KCNJ15: variants seen among roughly 807,000 people sequenced by gnomAD.
KCNJ15 encodes potassium inwardly rectifying channel subfamily J member 15, also known as ATP-sensitive inward rectifier potassium channel 15.
Under a neutral mutation model 23.0 loss-of-function variants are expected in KCNJ15, and 14 were observed. That is an observed-to-expected ratio of 0.61 (90% CI 0.40 to 0.95). The LOEUF (loss-of-function observed/expected upper bound fraction) is 0.95. Among genes scored for constraint, KCNJ15 ranks in the 40% least tolerant of loss-of-function variants. KCNJ15 has a pLI of 0.00. For missense variants in KCNJ15, 388 were observed against 461.8 expected (o/e 0.84, Z 1.46); for synonymous variants, 185 against 183.2 (o/e 1.01, Z -0.08).
intron 1 of KCNJ15, among the ~76,000 whole-genome samples, chr21:38,236,480 C>T (rs549210228): frequency 1.1e-4 from 16 of 152,236 alleles, no homozygotes; most frequent in African/African-American, 3.6e-4. Flanking sequence ...ACTTGGTGCT[C>T]CATAAACATG....
intron 1 of KCNJ15, among the ~76,000 whole-genome samples, chr21:38,268,084 T>C (rs1383153239): frequency 1.3e-5 from 2 of 152,182 alleles, no homozygotes; most frequent in Non-Finnish European, 2.9e-5. Context: ...AACAAGTCTA[T>C]TCTTGAATAT....
At chr21:38,286,946 C>T (rs1269225580) in intron 1 of KCNJ15, among the ~76,000 whole-genome samples, 2 of 152,186 alleles carry the variant, frequency 1.3e-5, no homozygotes, top group African/African-American at 2.4e-5. Context: ...TTTCAGAGAC[C>T]TTGAAATAAC....
rs1312103518 is a variant in KCNJ15 at position 38,304,710 on chromosome 21, C to G, written c.*4321C>G. 2 of 104,568 alleles carry G rather than the reference C, an allele frequency of 1.9e-5. No homozygotes were observed. The highest frequency in any genetic ancestry group is 6.6e-5 in the African/African-American group (2 of 30,168). The allele number at this position is 104,568 out of a possible 1,614,324, so 6.5% of individuals were successfully genotyped here. A position where few individuals can be genotyped will look rare whatever the true frequency, so the allele number is the denominator to read the frequency against. ...TTTTTTTTTGATACTGGGTCTCGCT[C>G]TGTCGCCCAGGCTGCTAGAGTGCAG... On this transcript the variant is annotated 3_prime_UTR_variant, in exon 3 of 3. Coordinates refer to ENST00000398938, the MANE Select transcript of KCNJ15 (RefSeq NM_170736.3).
intron 1 of KCNJ15, among the ~76,000 whole-genome samples, chr21:38,247,468 G>A (rs770579376): frequency 1.3e-5 from 2 of 151,546 alleles, no homozygotes; most frequent in African/African-American, 2.4e-5. Flanking sequence ...ATGAATGGAT[G>A]TATGGATAAA....
Position 38,257,107 on chromosome 21 carries a change from A to AC in KCNJ15, c.-193dup, listed in dbSNP as rs1050374806. On this transcript the variant is annotated 5_prime_UTR_variant, in exon 1 of 3. Transcript: ENST00000398938. ...CTAAACACCTATCTTTCCCAAGGCA[A>AC]CCTGTCTGGACTGAGCATTTCTCTG... 1.3e-5 allele frequency: 2 copies of AC among 152,056 alleles called. No homozygotes were observed. The highest frequency in any genetic ancestry group is 4.8e-5 in the African/African-American group (2 of 41,382). The allele number at this position is 152,056 out of a possible 1,614,324, so 9.4% of individuals were successfully genotyped here.
At chr21:38,283,466 A>G (rs545702606) in intron 1 of KCNJ15, among the ~76,000 whole-genome samples, 30 of 152,350 alleles carry the variant, frequency 2.0e-4, no homozygotes, top group Middle Eastern at 3.4e-3. Flanking sequence ...TAAAAAACAT[A>G]TTTAGCATTT....
chr21:38,246,679 T>C (rs1014537203), intron 1 of KCNJ15, among the ~76,000 whole-genome samples: 1 of 152,188 alleles, frequency 6.6e-6, no homozygotes, highest in Non-Finnish European at 1.5e-5. Context: ...TTCAACATAA[T>C]CTTTAGATGG....
chr21:38,269,640 C>A (rs1427579540), intron 1 of KCNJ15, among the ~76,000 whole-genome samples: 2 of 152,142 alleles, frequency 1.3e-5, no homozygotes, highest in Non-Finnish European at 2.9e-5. Flanking sequence ...AAAGCACCGA[C>A]CTCAGTGGAA....
At chr21:38,256,817 A>C (rs1420660811), upstream of KCNJ15, 3 of 152,076 alleles carry the variant, frequency 2.0e-5, no homozygotes, top group Admixed American at 6.6e-5. Context: ...ACCTTAAGAC[A>C]TGCTGACATC....
intron 1 of KCNJ15, among the ~76,000 whole-genome samples, chr21:38,296,185 G>A (rs546153049): frequency 1.8e-3 from 270 of 152,082 alleles, no homozygotes; most frequent in South Asian, 3.1e-3. Context: ...TATTTAGACC[G>A]GTAATAAATA....
intron 1 of KCNJ15, among the ~76,000 whole-genome samples, chr21:38,270,697 A>G (rs1201213919): frequency 6.6e-6 from 1 of 152,164 alleles, no homozygotes; most frequent in African/African-American, 2.4e-5. Context: ...CATAATATCA[A>G]ATGAACTTGT....
At position 38,305,268 on chromosome 21, in the gene KCNJ15, T is replaced by C. The variant is rs1397687644; in HGVS notation, c.*4879T>C. The C allele has an allele frequency of 6.6e-6, 1 of 152,162 alleles. No homozygotes were observed. The highest frequency in any genetic ancestry group is 1.5e-5 in the Non-Finnish European group (1 of 68,024). The allele number at this position is 152,162 out of a possible 1,614,324, so 9.4% of individuals were successfully genotyped here. On this transcript the variant is annotated 3_prime_UTR_variant, in exon 3 of 3. Coordinates refer to ENST00000398938, the MANE Select transcript of KCNJ15 (RefSeq NM_170736.3). ...TTGCTGTTCATTCTATAAAGTCAAA[T>C]AGATTGGTGGGTTAAAAAATAATCA...
intron 1 of KCNJ15, among the ~76,000 whole-genome samples, chr21:38,247,809 G>T (rs1224407615): frequency 6.6e-6 from 1 of 152,128 alleles, no homozygotes; most frequent in South Asian, 2.1e-4. Context: ...ACATTCACAT[G>T]GTCCAGTGTG....
intron 1 of KCNJ15, among the ~76,000 whole-genome samples, chr21:38,261,851 T>G (rs1980933556): frequency 6.6e-6 from 1 of 152,348 alleles, no homozygotes; most frequent in South Asian, 2.1e-4. Flanking sequence ...CTGAGCAGAC[T>G]TGAGGGCTTG....
chr21:38,260,053 A>G (rs1980716847), intron 1 of KCNJ15, among the ~76,000 whole-genome samples: 1 of 152,234 alleles, frequency 6.6e-6, no homozygotes, highest in East Asian at 1.9e-4. Context: ...AGGTTTATAA[A>G]CATTTAGGAA....
At chr21:38,243,906 A>C (rs1441359696) in intron 1 of KCNJ15, among the ~76,000 whole-genome samples, 3 of 152,248 alleles carry the variant, frequency 2.0e-5, no homozygotes, top group Non-Finnish European at 4.4e-5. Flanking sequence ...ATTGTCATAA[A>C]ATAACCATTT....
intron 1 of KCNJ15, among the ~76,000 whole-genome samples, chr21:38,277,379 G>T (rs1299580130): frequency 1.3e-5 from 2 of 152,146 alleles, no homozygotes; most frequent in East Asian, 3.8e-4. Context: ...TAATTTCCAG[G>T]CTAATTTTGT....
At chr21:38,233,343 A>G (rs1450085326) in intron 1 of KCNJ15, among the ~76,000 whole-genome samples, 1 of 152,066 alleles carries the variant, frequency 6.6e-6, no homozygotes, top group African/African-American at 2.4e-5. Context: ...CTCTGTGGAC[A>G]ATATATAGCT....
rs140359008 is a variant in KCNJ15, at chr21:38,236,036, T to C, written c.-398-21010T>C. ...CAATTGTATTATTTCCTTTTGCCCA[T>C]AGACTTTTTATTCATGCATTTCTTC... On this transcript the variant is annotated intron_variant, in intron 1 of 4. Transcript: ENST00000547341. 2.4e-3 allele frequency among the ~76,000 whole-genome samples: 360 copies of C among 152,348 alleles called. 2 individuals carry two copies. Among genetic ancestry groups the C allele is most frequent in the African/African-American group, 8.4e-3 (351 of 41,574 alleles).
Sources: allele counts gnomAD v4.1 joint callset (sites outside exome capture counted in the v4.1 genomes callset), GRCh38; gene constraint gnomAD v4.1.1; transcripts MANE v1.5; gene names NCBI Gene and HGNC (gene_info 2026-07-23, HGNC 2026-07-21).